Variants in COL4A2 observed in about 807,000 individuals in gnomAD.
COL4A2 encodes the protein collagen type IV alpha 2 chain.
COL4A2 carries 99 observed loss-of-function variants against 200.2 expected under a neutral mutation model. That is an observed-to-expected ratio of 0.49 (90% CI 0.42 to 0.58). COL4A2 has a LOEUF of 0.58. Ranked by LOEUF, COL4A2 falls within the 20% of genes least tolerant of loss-of-function variation. The pLI is 0.00. For synonymous variants in COL4A2, 897 were observed against 900.6 expected, an observed-to-expected ratio of 1.00 and a Z score of 0.07; for missense variants, 1,950 against 2,314.1, an observed-to-expected ratio of 0.84 and a Z score of 3.23.
At chr13:110,498,661 G>A (rs1221547659) in intron 40 of COL4A2, among the ~76,000 whole-genome samples, 1 of 152,214 alleles carries the variant, frequency 6.6e-6, no homozygotes, top group African/African-American at 2.4e-5. Context: ...GCTTGTCCCT[G>A]AGTAAGTGCT....
At chr13:110,449,886 T>C in intron 19 of COL4A2, 97 bp downstream of exon 19, 2 of 1,341,830 alleles carry the variant, frequency 1.5e-6, no homozygotes, top group Non-Finnish European at 2.0e-6. Flanking sequence ...CGTAGCTATG[T>C]CGTTGTTACT....
chr13:110,414,487 G>A (rs941121174), intron 4 of COL4A2, among the ~76,000 whole-genome samples: 14 of 152,268 alleles, frequency 9.2e-5, no homozygotes, highest in African/African-American at 3.4e-4. Context: ...ACTTCAGAAC[G>A]ATCACCCGGA....
chr13:110,420,219 C>T (rs1453283127), intron 4 of COL4A2, among the ~76,000 whole-genome samples: 1 of 152,166 alleles, frequency 6.6e-6, no homozygotes, highest in Non-Finnish European at 1.5e-5. Context: ...GACACTGGTC[C>T]CATCTGAGCC....
rs1410018813 is a variant in COL4A2, at chr13:110,489,827, C to T, written c.3346+42C>T. On this transcript the variant is annotated intron_variant, in intron 36 of 47. Coordinates refer to ENST00000360467, the MANE Select transcript of COL4A2 (RefSeq NM_001846.4). ...CCTTGTCTTCATCTTCAACAACAGC[C>T]CTGAGCCTTTGTCTAGGAGCCCGAC... The T allele has an allele frequency of 1.9e-6, 3 of 1,568,876 alleles. No homozygotes were observed. In the East Asian group the frequency reaches 6.7e-5, roughly 35 times the overall value.
At chr13:110,477,923 ATGAG>A in intron 29 of COL4A2, 76 bp from the exon 30 acceptor site, 1 of 1,286,058 alleles carries the variant, frequency 7.8e-7, no homozygotes, top group South Asian at 2.4e-5. Context: ...TTTTTACAGA[ATGAG>A]TGTGTGGAGG....
intron 12 of COL4A2, 145 bp downstream of exon 12, chr13:110,434,587 T>C (rs548217074): frequency 2.5e-6 from 2 of 805,848 alleles, no homozygotes; most frequent in African/African-American, 1.7e-5. Flanking sequence ...GAAATAATCA[T>C]TGCAAAGTGC....
intron 29 of COL4A2, among the ~76,000 whole-genome samples, chr13:110,476,709 C>T (rs1349854152): frequency 6.6e-6 from 1 of 152,170 alleles, no homozygotes; most frequent in Non-Finnish European, 1.5e-5. Flanking sequence ...AGAGCAGCTG[C>T]GACAAGCGTC....
At chr13:110,486,340 GCT>G (rs1472377028) in intron 34 of COL4A2, among the ~76,000 whole-genome samples, 1 of 152,152 alleles carries the variant, frequency 6.6e-6, no homozygotes, top group Non-Finnish European at 1.5e-5. Context: ...CCTGGGCAGG[GCT>G]CTCTTCTCCA....
intron 22 of COL4A2, among the ~76,000 whole-genome samples, chr13:110,461,252 A>G (rs1328949252): frequency 1.3e-5 from 2 of 152,234 alleles, no homozygotes; most frequent in Admixed American, 6.5e-5. Context: ...TTTATCCTCC[A>G]TACCTGGATT....
At chr13:110,489,224 C>T (rs537826160) in intron 34 of COL4A2, among the ~76,000 whole-genome samples, 6 of 152,098 alleles carry the variant, frequency 3.9e-5, no homozygotes, top group South Asian at 2.1e-4. Context: ...TGACAGACTG[C>T]GATCCTGTCT....
intron 17 of COL4A2, among the ~76,000 whole-genome samples, 198 bp downstream of exon 17, chr13:110,446,080 G>A (rs1330351872): frequency 6.6e-6 from 1 of 152,182 alleles, no homozygotes; most frequent in African/African-American, 2.4e-5. Context: ...CAGGGAGAAG[G>A]GTGCCACCTG....
At chr13:110,389,888 T>A (rs1053652578) in intron 4 of COL4A2, among the ~76,000 whole-genome samples, 2 of 151,892 alleles carry the variant, frequency 1.3e-5, no homozygotes, top group Non-Finnish European at 2.9e-5. Flanking sequence ...AGTTTAAAAA[T>A]TTTTAAAACT....
intron 3 of COL4A2, among the ~76,000 whole-genome samples, chr13:110,335,181 C>T (rs1293855587): frequency 1.3e-5 from 2 of 152,124 alleles, no homozygotes; most frequent in Admixed American, 6.5e-5. Flanking sequence ...AGTCTGCTGA[C>T]CTCCTCCACT....
At chr13:110,501,482 C>G (rs1257890099) in intron 40 of COL4A2, among the ~76,000 whole-genome samples, 186 bp from the exon 41 acceptor site, 3 of 152,006 alleles carry the variant, frequency 2.0e-5, no homozygotes, top group East Asian at 1.9e-4. Context: ...GCCCCTGCCC[C>G]CCCAACCCCG....
At chr13:110,477,314 A>C (rs7322295) in intron 29 of COL4A2, among the ~76,000 whole-genome samples, 5,487 of 152,380 alleles carry the variant, frequency 0.036, 107 homozygotes, top group South Asian at 0.049. Context: ...ACCACGTTTC[A>C]CTGCATCATG....
At chr13:110,477,289 A>G (rs1285737842) in intron 29 of COL4A2, among the ~76,000 whole-genome samples, 1 of 152,258 alleles carries the variant, frequency 6.6e-6, no homozygotes, top group Non-Finnish European at 1.5e-5. Flanking sequence ...AGAACAAGCA[A>G]GCGGATCCCC....
At chr13:110,396,421 T>C (rs57442307) in intron 4 of COL4A2, among the ~76,000 whole-genome samples, 3,775 of 152,316 alleles carry the variant, frequency 0.025, 68 homozygotes, top group Middle Eastern at 0.058. Context: ...GTGCACAGTC[T>C]AACTCCATGC....
At chr13:110,412,085 A>G (rs778127526) in intron 4 of COL4A2, among the ~76,000 whole-genome samples, 1 of 152,240 alleles carries the variant, frequency 6.6e-6, no homozygotes, top group Non-Finnish European at 1.5e-5. Context: ...ACCCTCTGCA[A>G]TGGGCTGGGC....
chr13:110,456,735 G>C (rs1303272124), intron 20 of COL4A2: 1 of 473,488 alleles, frequency 2.1e-6, no homozygotes. Context: ...CCCATGCCCT[G>C]TGTCTGGGGG....
Sources: allele counts gnomAD v4.1 joint callset (sites outside exome capture counted in the v4.1 genomes callset), GRCh38; gene constraint gnomAD v4.1.1; transcripts MANE v1.5; gene names NCBI Gene and HGNC (gene_info 2026-07-23, HGNC 2026-07-21).